Variants in ABCA12 observed in about 807,000 individuals in gnomAD.
ABCA12 encodes the protein glucosylceramide transporter ABCA12.
In ABCA12, 156 loss-of-function variants were observed where a neutral mutation model predicts 293.5. The observed-to-expected ratio is 0.53, with a 90% CI of 0.47 to 0.61. The LOEUF (loss-of-function observed/expected upper bound fraction) is 0.61. Ranked by LOEUF, ABCA12 falls within the 20% of genes least tolerant of loss-of-function variation. ABCA12 has a pLI of 0.00. For missense variants in ABCA12, 2,797 were observed against 3,090.2 expected, an observed-to-expected ratio of 0.91 and a Z score of 2.25; for synonymous variants, 1,063 against 1,108.0, an observed-to-expected ratio of 0.96 and a Z score of 0.81.
In ABCA12 at chr2:214,996,622, T is replaced by C. The variant is rs2049360; in HGVS notation, c.3294+1073A>G. 4.4e-3 allele frequency among the ~76,000 whole-genome samples: 665 copies of C among 152,160 alleles called. 2 individuals carry two copies. Among genetic ancestry groups the C allele is most frequent in the Non-Finnish European group, 6.6e-3 (446 of 68,006 alleles). On this transcript the variant is annotated intron_variant, in intron 23 of 52. Coordinates refer to ENST00000272895, the MANE Select transcript of ABCA12 (RefSeq NM_173076.3). ...AGGACTCAAACTAGTTGATGAGAAGTTTACCAAATTATAACTGAAATATAA... is the reference window on the plus strand; with the variant it reads ...AGGACTCAAACTAGTTGATGAGAAGCTTACCAAATTATAACTGAAATATAA...
At position 214,950,878 on chromosome 2, in the gene ABCA12, C is replaced by G. The variant is rs1295501012; in HGVS notation, c.6852+1G>C. The G allele has an allele frequency of 3.7e-6, 6 of 1,613,700 alleles. No homozygotes were observed. Among genetic ancestry groups the G allele is most frequent in the Non-Finnish European group, 5.1e-6 (6 of 1,179,646 alleles). On this transcript the variant is annotated splice_donor_variant, in intron 45 of 52. Transcript: ENST00000272895. LOFTEE classifies it high-confidence loss of function. ...GTTAGAAACAAAACACAGTTTCTTA[C>G]CTCTCCAGCAGGTATCCCAATGCTG...
At position 214,943,025 on chromosome 2, in the gene ABCA12, A is replaced by ATCATGGATCCTTC. The variant is rs1698456793; in HGVS notation, c.7344-9_7344-8insGAAGGATCCATGA. 6.2e-7 allele frequency: 1 copy of ATCATGGATCCTTC among 1,609,916 alleles called. No homozygotes were observed. The highest frequency in any genetic ancestry group is 8.5e-7 in the Non-Finnish European group (1 of 1,177,296). ...GCTTCACATTCTTCCATGCTAAAAG[A>ATCATGGATCCTTC]CAAAGCAGGATCATATTAGCATTCA... On this transcript the variant is annotated splice_polypyrimidine_tract_variant and intron_variant, in intron 49 of 52. Coordinates refer to ENST00000272895, the MANE Select transcript of ABCA12 (RefSeq NM_173076.3).
intron 34 of ABCA12, among the ~76,000 whole-genome samples, chr2:214,975,274 T>C (rs1036553457): frequency 7.9e-5 from 12 of 152,186 alleles, no homozygotes; most frequent in Admixed American, 4.6e-4. Context: ...TAGGACTGTT[T>C]TCTTAATCTA....
intron 14 of ABCA12, among the ~76,000 whole-genome samples, chr2:215,016,605 A>AAAAAAAAAAAAG (rs1553534171): frequency 7.2e-6 from 1 of 139,186 alleles, no homozygotes; most frequent in South Asian, 2.5e-4. Flanking sequence ...AAAAAAAAAA[A>AAAAAAAAAAAAG]AAAAAAAAAG....
At chr2:214,975,479 T>C (rs1574954673) in intron 34 of ABCA12, among the ~76,000 whole-genome samples, 1 of 152,200 alleles carries the variant, frequency 6.6e-6, no homozygotes, top group Non-Finnish European at 1.5e-5. Context: ...TAAAAAGTTA[T>C]TTGCTGTATA....
At chr2:214,965,213 A>T (rs1283985549) in intron 39 of ABCA12, among the ~76,000 whole-genome samples, 1 of 152,148 alleles carries the variant, frequency 6.6e-6, no homozygotes, top group Non-Finnish European at 1.5e-5. Context: ...CTTACACCAT[A>T]TTCAAAAATT....
intron 23 of ABCA12, among the ~76,000 whole-genome samples, chr2:214,992,221 T>C (rs921572885): frequency 1.3e-5 from 2 of 151,702 alleles, no homozygotes; most frequent in African/African-American, 4.8e-5. Context: ...GACGGGCAGA[T>C]CACGAGGTCA....
intron 4 of ABCA12, among the ~76,000 whole-genome samples, chr2:215,053,807 G>A (rs1199536678): frequency 6.6e-6 from 1 of 151,982 alleles, no homozygotes; most frequent in Non-Finnish European, 1.5e-5. Flanking sequence ...CTAAGACAGT[G>A]GCTGCTTAGT....
chr2:215,004,256 G>A lies in ABCA12; in HGVS notation c.2636C>T (p.Ser879Phe). The change falls in exon 20 of 53, where the codon TCC becomes TTC. Residue 879 changes from serine (S) to phenylalanine (F), a missense_variant. By Grantham distance (155) the Ser-to-Phe change is radical. Transcript: ENST00000272895. ...TAGTTCAACAGCATCGAGTCCCACG[G>A]AGAACTTTACAAAAACTTGCACAAA... ...NPFVQVFVKF[S>F]VGLDAVELLK... The A allele has an allele frequency of 6.2e-7, 1 of 1,613,870 alleles. No homozygotes were observed. The highest frequency in any genetic ancestry group is 8.5e-7 in the Non-Finnish European group (1 of 1,179,960).
rs189573967 is a variant in ABCA12 at position 215,111,421 on chromosome 2, C to T, written c.163+176G>A. Among the ~76,000 whole-genome samples, 127 of 152,290 alleles carry T rather than the reference C, an allele frequency of 8.3e-4. 1 individual carries two copies. In the Middle Eastern group the frequency reaches 0.014, roughly 16 times the overall value. On this transcript the variant is annotated intron_variant, in intron 2 of 52. Transcript: ENST00000272895. The stretch of plus-strand genomic sequence containing the variant: ...TTCTAGATAAATATTACAAACTCAA[C>T]TTTCTGACTAACTTGAAAATCTAGG...
chr2:215,060,112 G>C (rs1374941739), intron 3 of ABCA12, among the ~76,000 whole-genome samples: 23 of 152,064 alleles, frequency 1.5e-4, no homozygotes, highest in South Asian at 2.1e-4. Flanking sequence ...TGGTACCTGT[G>C]TAACTATTCA....
At chr2:215,124,833 T>C (rs1490357764) in intron 1 of ABCA12, among the ~76,000 whole-genome samples, 2 of 152,192 alleles carry the variant, frequency 1.3e-5, no homozygotes, top group Non-Finnish European at 2.9e-5. Flanking sequence ...TTTATCTTTG[T>C]TTTTATTGCA....
chr2:215,037,639 T>A (rs925119492), intron 7 of ABCA12, among the ~76,000 whole-genome samples: 2 of 152,210 alleles, frequency 1.3e-5, no homozygotes, highest in African/African-American at 4.8e-5. Flanking sequence ...TTAATATCCA[T>A]ACTCTGTTTC....
intron 5 of ABCA12, chr2:215,050,933 T>TAA (rs1701308557): frequency 2.3e-6 from 1 of 429,428 alleles, no homozygotes; most frequent in African/African-American, 2.2e-5. Context: ...CCAACTACTC[T>TAA]AAAAATATGT....
At chr2:214,977,847 G>C (rs1699552527) in intron 33 of ABCA12, among the ~76,000 whole-genome samples, 1 of 151,238 alleles carries the variant, frequency 6.6e-6, no homozygotes, top group Admixed American at 6.6e-5. Context: ...TTCCATTGAG[G>C]GTACCATAAA....
At position 215,033,976 on chromosome 2, in the gene ABCA12, G is replaced by A. The variant is rs1700938110; in HGVS notation, c.986-2080C>T. On this transcript the variant is annotated intron_variant, in intron 8 of 52. Coordinates refer to ENST00000272895, the MANE Select transcript of ABCA12 (RefSeq NM_173076.3). ...AATAAAAATAAAAAAATAAATATAT[G>A]TACTGGGATAGACACAGCTAAAAAA... 4.6e-5 allele frequency among the ~76,000 whole-genome samples: 7 copies of A among 152,062 alleles called. No individual in the cohort carries two copies. In the South Asian group the frequency reaches 1.5e-3, roughly 32 times the overall value.
At chr2:215,119,332 A>G (rs1408775967) in intron 1 of ABCA12, among the ~76,000 whole-genome samples, 1 of 152,090 alleles carries the variant, frequency 6.6e-6, no homozygotes, top group Non-Finnish European at 1.5e-5. Context: ...ATTAATTTTT[A>G]GTTTTGTTAC....
At chr2:215,001,814 T>C in intron 20 of ABCA12, 77 bp from the exon 21 acceptor site, 1 of 1,270,870 alleles carries the variant, frequency 7.9e-7, no homozygotes, top group Non-Finnish European at 1.1e-6. Flanking sequence ...ATACTGATTT[T>C]TTGTAAATAC....
At chr2:215,133,554 G>A (rs1422660358) in intron 1 of ABCA12, among the ~76,000 whole-genome samples, 2 of 151,848 alleles carry the variant, frequency 1.3e-5, no homozygotes, top group African/African-American at 4.8e-5. Flanking sequence ...ATCTCATTAG[G>A]TAAGCCTTCC....
Sources: allele counts gnomAD v4.1 joint callset (sites outside exome capture counted in the v4.1 genomes callset), GRCh38; gene constraint gnomAD v4.1.1; transcripts MANE v1.5; gene names NCBI Gene and HGNC (gene_info 2026-07-23, HGNC 2026-07-21).